Variants in TSPAN5 observed in about 807,000 individuals in gnomAD.
TSPAN5 encodes tetraspanin 5.
TSPAN5 carries 10 observed loss-of-function variants against 37.1 expected under a neutral mutation model. The ratio of observed to expected loss-of-function variants is 0.27; its 90% CI spans 0.17 to 0.46. TSPAN5 has a LOEUF of 0.46. Among genes scored for constraint, TSPAN5 ranks in the 20% least tolerant of loss-of-function variants. The probability of loss-of-function intolerance (pLI) is 1.00; values close to 1 mark genes in which losing one functional copy is unlikely to be tolerated. For synonymous variants in TSPAN5, 110 were observed against 118.9 expected, an observed-to-expected ratio of 0.93 and a Z score of 0.48; for missense variants, 195 against 326.6, an observed-to-expected ratio of 0.60 and a Z score of 3.11.
Position 98,472,462 on chromosome 4 carries a change from C to T in TSPAN5, c.*60G>A, listed in dbSNP as rs1257541381. The T allele has an allele frequency of 3.0e-5, 45 of 1,513,364 alleles. 1 individual carries two copies. Among genetic ancestry groups the T allele is most frequent in the East Asian group, 1.1e-4 (5 of 44,096 alleles). 93.7% of individuals were successfully genotyped at this position (1,513,364 alleles called of 1,614,324 possible). A position where few individuals can be genotyped will look rare whatever the true frequency, so the allele number is the denominator to read the frequency against. On this transcript the variant is annotated 3_prime_UTR_variant, in exon 8 of 8. Coordinates refer to ENST00000305798, the MANE Select transcript of TSPAN5 (RefSeq NM_005723.4). ...ATGCAGCTCGAAGATCAGTTCGGCA[C>T]GCGGGAGGGTCCCGAAAGCTGGGTC...
chr4:98,508,762 C>T (rs1312772022), intron 1 of TSPAN5, among the ~76,000 whole-genome samples: 2 of 152,040 alleles, frequency 1.3e-5, no homozygotes, highest in Non-Finnish European at 2.9e-5. Flanking sequence ...TGGGCTCAAG[C>T]AATCCTCCCG....
intron 1 of TSPAN5, chr4:98,657,688 G>C (rs1314196617): frequency 4.4e-6 from 1 of 229,214 alleles, no homozygotes; most frequent in African/African-American, 2.4e-5. Context: ...ACCAGCCGCG[G>C]CAACACGGAG....
At chr4:98,492,648 G>A (rs1346323428) in intron 2 of TSPAN5, among the ~76,000 whole-genome samples, 2 of 152,176 alleles carry the variant, frequency 1.3e-5, no homozygotes, top group Non-Finnish European at 2.9e-5. Context: ...GGATGTGCCA[G>A]GTTTTAAATG....
intron 1 of TSPAN5, among the ~76,000 whole-genome samples, chr4:98,633,286 A>G (rs1181608594): frequency 1.3e-5 from 2 of 152,242 alleles, no homozygotes; most frequent in Non-Finnish European, 2.9e-5. Context: ...TGCAAACACT[A>G]AAACTACGCT....
chr4:98,545,467 T>TA (rs1354235605), intron 1 of TSPAN5, among the ~76,000 whole-genome samples: 1 of 152,238 alleles, frequency 6.6e-6, no homozygotes, highest in Non-Finnish European at 1.5e-5. Context: ...AATATATATA[T>TA]TTTTTCATTT....
intron 1 of TSPAN5, among the ~76,000 whole-genome samples, chr4:98,523,808 A>G (rs1483089997): frequency 6.6e-6 from 1 of 152,228 alleles, no homozygotes; most frequent in Non-Finnish European, 1.5e-5. Context: ...GGGACCATAC[A>G]AATTATAAAT....
chr4:98,522,841 T>C (rs1040927603), intron 1 of TSPAN5, among the ~76,000 whole-genome samples: 4 of 152,220 alleles, frequency 2.6e-5, no homozygotes, highest in African/African-American at 9.6e-5. Flanking sequence ...ATTTATTCTG[T>C]ATGTTCAGCT....
intron 1 of TSPAN5, among the ~76,000 whole-genome samples, chr4:98,552,972 G>A (rs1216888399): frequency 6.6e-6 from 1 of 152,162 alleles, no homozygotes; most frequent in Non-Finnish European, 1.5e-5. Flanking sequence ...AGGGTATCTG[G>A]AATTTCAGTT....
At chr4:98,609,931 T>C (rs1299329597) in intron 1 of TSPAN5, among the ~76,000 whole-genome samples, 3 of 152,120 alleles carry the variant, frequency 2.0e-5, no homozygotes, top group African/African-American at 7.2e-5. Context: ...ATAAGCAGAA[T>C]GCCTTGCCTC....
intron 1 of TSPAN5, among the ~76,000 whole-genome samples, chr4:98,542,895 A>G (rs1257597539): frequency 6.6e-6 from 1 of 152,130 alleles, no homozygotes; most frequent in African/African-American, 2.4e-5. Flanking sequence ...AAAAATGTAA[A>G]TGGAAGTTGT....
chr4:98,480,726 G>A (rs540210447), intron 4 of TSPAN5, among the ~76,000 whole-genome samples: 1 of 152,280 alleles, frequency 6.6e-6, no homozygotes, highest in East Asian at 1.9e-4. Flanking sequence ...CCATCAATGT[G>A]TCATGCAAAC....
intron 1 of TSPAN5, among the ~76,000 whole-genome samples, chr4:98,519,558 T>A (rs1381223762): frequency 6.6e-6 from 1 of 151,714 alleles, no homozygotes; most frequent in African/African-American, 2.4e-5. Context: ...TGAAGGGGAA[T>A]GTCCTGGGAG....
chr4:98,603,766 A>C (rs1755940063), intron 1 of TSPAN5, among the ~76,000 whole-genome samples: 1 of 152,132 alleles, frequency 6.6e-6, no homozygotes, highest in Non-Finnish European at 1.5e-5. Context: ...TCTCCTTCAC[A>C]ATGGAAAATA....
At chr4:98,576,489 A>G (rs1298880734) in intron 1 of TSPAN5, among the ~76,000 whole-genome samples, 1 of 152,176 alleles carries the variant, frequency 6.6e-6, no homozygotes, top group Non-Finnish European at 1.5e-5. Flanking sequence ...ATCCCAGACA[A>G]CATACTTTGG....
At chr4:98,622,129 G>T (rs1398171140) in intron 1 of TSPAN5, among the ~76,000 whole-genome samples, 2 of 152,146 alleles carry the variant, frequency 1.3e-5, no homozygotes. Context: ...GCCCAGGCTG[G>T]AATGCAGTGG....
At chr4:98,537,264 G>T (rs1003611059) in intron 1 of TSPAN5, among the ~76,000 whole-genome samples, 2 of 152,188 alleles carry the variant, frequency 1.3e-5, no homozygotes, top group Non-Finnish European at 2.9e-5. Flanking sequence ...GACCCCTTGC[G>T]CTTCCCGGGT....
intron 1 of TSPAN5, among the ~76,000 whole-genome samples, chr4:98,630,874 G>A (rs768454391): frequency 9.2e-5 from 14 of 152,140 alleles, no homozygotes; most frequent in Non-Finnish European, 1.3e-4. Context: ...CACAAATAGC[G>A]AATGAGAGTT....
At chr4:98,655,399 C>T (rs879313601) in intron 1 of TSPAN5, among the ~76,000 whole-genome samples, 28 of 152,160 alleles carry the variant, frequency 1.8e-4, no homozygotes, top group Non-Finnish European at 3.8e-4. Flanking sequence ...AACGTTATAA[C>T]TCATCCACCT....
intron 1 of TSPAN5, among the ~76,000 whole-genome samples, chr4:98,535,538 T>C (rs781001486): frequency 2.0e-5 from 3 of 152,170 alleles, no homozygotes; most frequent in Non-Finnish European, 4.4e-5. Context: ...AGGAGTATCT[T>C]TGTGGTGTTC....
Sources: allele counts gnomAD v4.1 joint callset (sites outside exome capture counted in the v4.1 genomes callset), GRCh38; gene constraint gnomAD v4.1.1; transcripts MANE v1.5; gene names NCBI Gene and HGNC (gene_info 2026-07-23, HGNC 2026-07-21).